Variants in ATXN10 observed in about 807,000 individuals in gnomAD.
ATXN10 encodes the protein ataxin-10.
A neutral mutation model predicts 52.9 loss-of-function variants in ATXN10; 28 were observed. That is an observed-to-expected ratio of 0.53 (90% confidence interval 0.39 to 0.73). The LOEUF is 0.73. Ranked by LOEUF, ATXN10 falls within the 30% of genes least tolerant of loss-of-function variation. The pLI is 0.00. For missense variants in ATXN10, 565 were observed against 577.0 expected (o/e 0.98, Z 0.21); for synonymous variants, 226 against 221.5 (o/e 1.02, Z -0.18).
Position 45,844,410 on chromosome 22 carries a change from T to A in ATXN10, c.*739T>A, listed in dbSNP as rs1317968697. ...CTCTGTCATGGGGGAAGGAATAGCTTATGTTCTGCTCTGGTGCAGTGCCGT... is the reference window on the plus strand; with the variant it reads ...CTCTGTCATGGGGGAAGGAATAGCTAATGTTCTGCTCTGGTGCAGTGCCGT... On this transcript the variant is annotated 3_prime_UTR_variant, in exon 12 of 12. Transcript: ENST00000252934. 6.6e-6 allele frequency: 1 copy of A among 152,412 alleles called. No homozygotes were observed. The highest frequency in any genetic ancestry group is 2.4e-5 in the African/African-American group (1 of 41,474). The allele number at this position is 152,412 out of a possible 1,614,324, so 9.4% of individuals were successfully genotyped here. A position where few individuals can be genotyped will look rare whatever the true frequency, so the allele number is the denominator to read the frequency against.
In ATXN10 at chr22:45,757,627, T is replaced by C. The variant is rs1409299652; in HGVS notation, c.1173+17089T>C. On this transcript the variant is annotated intron_variant, in intron 9 of 11. Transcript: ENST00000252934. This position sits in a 1 kb window ranked among gnomAD's most constrained non-coding sequence, Gnocchi z 4.6. ...CATTTTAGAAAAAAAAAAACATTAG[T>C]ACAGTATTAGTAAATATGGATGGGA... Among the ~76,000 whole-genome samples the C allele has an allele frequency of 6.6e-6, 1 of 152,150 alleles. No homozygotes were observed. The highest frequency in any genetic ancestry group is 1.5e-5 in the Non-Finnish European group (1 of 68,032).
intron 10 of ATXN10, among the ~76,000 whole-genome samples, chr22:45,810,594 CA>C (rs1334165449): frequency 3.3e-5 from 5 of 152,198 alleles, no homozygotes; most frequent in African/African-American, 1.2e-4. Context: ...AATTGACATA[CA>C]GTACTTAGTT....
intron 5 of ATXN10, among the ~76,000 whole-genome samples, chr22:45,716,832 C>T (rs1216585406): frequency 6.6e-6 from 1 of 152,068 alleles, no homozygotes; most frequent in African/African-American, 2.4e-5. Context: ...CTTTGACCAA[C>T]AAAATTGATC....
In ATXN10 at chr22:45,805,365, A is replaced by G. The variant is rs1051246714; in HGVS notation, c.1174-1594A>G. ...ACTCCTAGGTATATACCCAAGAACAATGAATACTTATATCCACTCAAAAAC... is the reference window on the plus strand; with the variant it reads ...ACTCCTAGGTATATACCCAAGAACAGTGAATACTTATATCCACTCAAAAAC... On this transcript the variant is annotated intron_variant, in intron 9 of 11. Coordinates refer to ENST00000252934, the MANE Select transcript of ATXN10 (RefSeq NM_013236.4). The surrounding 1 kb of genome is among the most constrained non-coding windows in gnomAD (Gnocchi z 4.4). Among the ~76,000 whole-genome samples the G allele has an allele frequency of 6.6e-6, 1 of 152,234 alleles. No individual in the cohort carries two copies.
In ATXN10 at chr22:45,729,494, T is replaced by C; in HGVS notation, c.798T>C (p.Pro266=). 1 of 1,614,130 alleles carries C rather than the reference T, an allele frequency of 6.2e-7. No individual in the cohort carries two copies. The highest frequency in any genetic ancestry group is 1.3e-5 in the African/African-American group (1 of 75,034). ...SDEPLTKDDI[P]VFLRHAELIA... ...AGCCACTCACCAAGGATGACATCCC[T>C]GTGTTTTTGCGGCATGCTGAGTTGA... Residue 266 remains proline, a synonymous_variant, in exon 7 of 12, where the codon CCT becomes CCC. Coordinates refer to ENST00000252934, the MANE Select transcript of ATXN10 (RefSeq NM_013236.4).
Position 45,708,121 on chromosome 22 carries a change from C to T in ATXN10, c.647+5274C>T, listed in dbSNP as rs562055061. On this transcript the variant is annotated intron_variant, in intron 5 of 11. Transcript: ENST00000252934. This position sits in a 1 kb window ranked among gnomAD's most constrained non-coding sequence, Gnocchi z 5.3. ...AAAGTGTAGGCGAGAAAGTCTTTGGCACTACTTGGTTTGAATTATTGGGAT... is the reference window on the plus strand; with the variant it reads ...AAAGTGTAGGCGAGAAAGTCTTTGGTACTACTTGGTTTGAATTATTGGGAT... Among the ~76,000 whole-genome samples, 2 of 152,140 alleles carry T rather than the reference C, an allele frequency of 1.3e-5. No individual in the cohort carries two copies. The highest frequency in any genetic ancestry group is 2.1e-4 in the South Asian group (1 of 4,828).
rs939915608 is a variant in ATXN10 at position 45,820,714 on chromosome 22, C to T, written c.1237+13692C>T. Among the ~76,000 whole-genome samples the T allele has an allele frequency of 6.6e-6, 1 of 152,190 alleles. No homozygotes were observed. On this transcript the variant is annotated intron_variant, in intron 10 of 11. Coordinates refer to ENST00000252934, the MANE Select transcript of ATXN10 (RefSeq NM_013236.4). This position sits in a 1 kb window ranked among gnomAD's most constrained non-coding sequence, Gnocchi z 4.9. ...GGTCAAGAGAAAAGATGTTGGACCC[C>T]GTGGCCGCAGGCATTGCCAGGGTGG...
chr22:45,796,150 A>G (rs533359557), intron 9 of ATXN10, among the ~76,000 whole-genome samples: 3 of 152,360 alleles, frequency 2.0e-5, no homozygotes, highest in African/African-American at 4.8e-5. Flanking sequence ...GGAGGTCTCT[A>G]AAATGGCCGC....
chr22:45,707,060 A>T (rs564768128), intron 5 of ATXN10, among the ~76,000 whole-genome samples: 1 of 152,066 alleles, frequency 6.6e-6, no homozygotes, highest in Non-Finnish European at 1.5e-5. Context: ...TATATTTATT[A>T]TTGTTATACC....
intron 2 of ATXN10, among the ~76,000 whole-genome samples, chr22:45,691,248 T>C (rs777886784): frequency 4.3e-4 from 65 of 152,246 alleles, no homozygotes; most frequent in Non-Finnish European, 8.4e-4. Context: ...TCTAGTGTGA[T>C]GGGGAAGGAA....
chr22:45,802,125 G>T (rs1249733285), intron 9 of ATXN10, among the ~76,000 whole-genome samples: 1 of 152,146 alleles, frequency 6.6e-6, no homozygotes, highest in Non-Finnish European at 1.5e-5. Flanking sequence ...AAATCTATTT[G>T]TTGTCCTCTG....
At position 45,818,398 on chromosome 22, in the gene ATXN10, C is replaced by A. The variant is rs1172663389; in HGVS notation, c.1237+11376C>A. On this transcript the variant is annotated intron_variant, in intron 10 of 11. Transcript: ENST00000252934. The surrounding 1 kb of genome is among the most constrained non-coding windows in gnomAD (Gnocchi z 4.6). ...TCCTGCCAAGCCTGGTTGCTCAGCT[C>A]TCCCTGGCTCTCAGGAGTCAAAGCG... Among the ~76,000 whole-genome samples the A allele has an allele frequency of 6.6e-6, 1 of 152,214 alleles. No individual in the cohort carries two copies. Among genetic ancestry groups the A allele is most frequent in the African/African-American group, 2.4e-5 (1 of 41,452 alleles).
chr22:45,753,035 A>T (rs537084273), intron 9 of ATXN10, among the ~76,000 whole-genome samples: 2 of 152,030 alleles, frequency 1.3e-5, no homozygotes, highest in Admixed American at 1.3e-4. Flanking sequence ...TGCCCGGCTG[A>T]TCAACTTATT....
Position 45,842,003 on chromosome 22 carries a change from C to T in ATXN10, c.1238-988C>T, listed in dbSNP as rs1241111241. Among the ~76,000 whole-genome samples, 1 of 152,134 alleles carries T rather than the reference C, an allele frequency of 6.6e-6. No individual in the cohort carries two copies. The highest frequency in any genetic ancestry group is 2.4e-5 in the African/African-American group (1 of 41,428). ...CAGGGGACAGGACTTGTTTGTCTTGCTGCCTTTATCTGCTCGTGGGCAGGG... is the reference window on the plus strand; with the variant it reads ...CAGGGGACAGGACTTGTTTGTCTTGTTGCCTTTATCTGCTCGTGGGCAGGG... On this transcript the variant is annotated intron_variant, in intron 10 of 11. Transcript: ENST00000252934. The surrounding 1 kb of genome is among the most constrained non-coding windows in gnomAD (Gnocchi z 4.8).
At chr22:45,771,473 A>G (rs986914096) in intron 9 of ATXN10, among the ~76,000 whole-genome samples, 2 of 147,834 alleles carry the variant, frequency 1.4e-5, no homozygotes, top group Non-Finnish European at 3.0e-5. Context: ...CTGGAGTGCA[A>G]TGATGTGATC....
rs1242008732 is a variant in ATXN10 at position 45,820,163 on chromosome 22, G to T, written c.1237+13141G>T. On this transcript the variant is annotated intron_variant, in intron 10 of 11. Transcript: ENST00000252934. This position sits in a 1 kb window ranked among gnomAD's most constrained non-coding sequence, Gnocchi z 4.9. ...TAAAAAGCAAAAACGTATTGGGCCT[G>T]TTGGATTCTGTGAAGGGTTCTTCGA... Among the ~76,000 whole-genome samples, 2 of 152,340 alleles carry T rather than the reference G, an allele frequency of 1.3e-5. No individual in the cohort carries two copies. The highest frequency in any genetic ancestry group is 3.4e-3 in the Middle Eastern group (1 of 294).
chr22:45,772,087 C>CT lies in ATXN10; in HGVS notation c.1173+31552dup, dbSNP rs1926798422. Among the ~76,000 whole-genome samples, 1 of 152,190 alleles carries CT rather than the reference C, an allele frequency of 6.6e-6. No homozygotes were observed. The highest frequency in any genetic ancestry group is 1.5e-5 in the Non-Finnish European group (1 of 68,034). ...CAAGAGTTAAAATTTTTGAAGTTCA[C>CT]TTTATCAATTTTTTTCTTTTATGAA... On this transcript the variant is annotated intron_variant, in intron 9 of 11. Coordinates refer to ENST00000252934, the MANE Select transcript of ATXN10 (RefSeq NM_013236.4). The surrounding 1 kb of genome is among the most constrained non-coding windows in gnomAD (Gnocchi z 4.1).
At chr22:45,687,067 C>G (rs1357994518) in intron 1 of ATXN10, among the ~76,000 whole-genome samples, 2 of 152,112 alleles carry the variant, frequency 1.3e-5, no homozygotes, top group East Asian at 3.8e-4. Flanking sequence ...CATGATTACT[C>G]TTTAGTCGCT....
intron 9 of ATXN10, among the ~76,000 whole-genome samples, chr22:45,764,439 C>A (rs1569055410): frequency 6.6e-6 from 1 of 152,186 alleles, no homozygotes; most frequent in Admixed American, 6.5e-5. Flanking sequence ...TCTCAACTCT[C>A]AAAAGACATC....
Sources: gnomAD v4.1 joint callset for allele counts (sites outside exome capture counted in the v4.1 genomes callset) on GRCh38, gnomAD v4.1.1 for gene constraint, Gnocchi (gnomAD v3.1) non-coding constraint, MANE v1.5 for transcripts, NCBI Gene and HGNC (gene_info 2026-07-23, HGNC 2026-07-21) for gene names.